SMG1: variants seen among roughly 807,000 people sequenced by gnomAD.
SMG1 encodes the protein SMG1 nonsense mediated mRNA decay associated PI3K related kinase, also known as serine/threonine-protein kinase SMG1.
Under a neutral mutation model 419.9 loss-of-function variants are expected in SMG1, and 22 were observed. The ratio of observed to expected loss-of-function variants is 0.05; its 90% CI spans 0.04 to 0.07. SMG1 has a LOEUF of 0.07. SMG1 is among the 10% of genes least tolerant of loss of function. SMG1 has a pLI of 1.00. For missense variants in SMG1, 3,185 were observed against 4,342.0 expected (o/e 0.73, Z 7.49); for synonymous variants, 1,538 against 1,553.5 (o/e 0.99, Z 0.23).
rs776606654 is a variant in SMG1 at position 18,854,915 on chromosome 16, G to A, written c.4235-11C>T. 4 of 1,607,758 alleles carry A rather than the reference G, an allele frequency of 2.5e-6. No individual in the cohort carries two copies. The highest frequency in any genetic ancestry group is 2.2e-5 in the East Asian group (1 of 44,814). ...TTGGGACTGTTTGTTCTGAAGAGAG[G>A]AAAACGTTTTATTAGTTCCTAATTT... is the stretch of plus-strand genomic sequence containing the variant. On this transcript the variant is annotated splice_polypyrimidine_tract_variant and intron_variant, in intron 29 of 62. Transcript: ENST00000446231.
At position 18,816,535 on chromosome 16, in the gene SMG1, T is replaced by G. The variant is rs771212335; in HGVS notation, c.10075-6A>C. The stretch of plus-strand genomic sequence containing the variant: ...GGATGTTCAAGACCAGTGTCCTAAA[T>G]AGAACAAGCATTTGTTTGACTTCGA... On this transcript the variant is annotated splice_polypyrimidine_tract_variant and splice_region_variant and intron_variant, in intron 57 of 62. Coordinates refer to ENST00000446231, the MANE Select transcript of SMG1 (RefSeq NM_015092.5). The G allele has an allele frequency of 6.2e-7, 1 of 1,611,802 alleles. No individual in the cohort carries two copies. The highest frequency in any genetic ancestry group is 2.2e-5 in the East Asian group (1 of 44,870).
intron 51 of SMG1, among the ~76,000 whole-genome samples, chr16:18,831,850 A>G (rs2033207769): frequency 6.6e-6 from 1 of 150,992 alleles, no homozygotes; most frequent in South Asian, 2.1e-4. Context: ...TATGAATATA[A>G]CCACTCCAAA....
intron 48 of SMG1, among the ~76,000 whole-genome samples, chr16:18,835,485 A>G (rs1567338889): frequency 2.0e-5 from 3 of 152,244 alleles, no homozygotes; most frequent in Middle Eastern, 3.4e-3. Context: ...ACAAAAAAAT[A>G]TAAAAATTGT....
At position 18,918,106 on chromosome 16, in the gene SMG1, A is replaced by G. The variant is rs561793619; in HGVS notation, c.92+7844T>C. The stretch of plus-strand genomic sequence containing the variant: ...TGAAACCCCGTCTCTAGTAAATACA[A>G]AAGATTAGCCGGGTGTGGTGGTGCG... On this transcript the variant is annotated intron_variant, in intron 1 of 62. Coordinates refer to ENST00000446231, the MANE Select transcript of SMG1 (RefSeq NM_015092.5). Among the ~76,000 whole-genome samples the G allele has an allele frequency of 5.9e-5, 9 of 151,818 alleles. No individual in the cohort carries two copies. The South Asian group carries it at 1.9e-3, about 32-fold the overall frequency.
chr16:18,915,185 G>A (rs2037924694), intron 1 of SMG1, among the ~76,000 whole-genome samples: 2 of 152,060 alleles, frequency 1.3e-5, no homozygotes, highest in Admixed American at 6.6e-5. Context: ...ATGTTGGCCA[G>A]GATGGTCTTG....
intron 56 of SMG1, among the ~76,000 whole-genome samples, chr16:18,818,399 A>C (rs1381527059): frequency 6.6e-6 from 1 of 151,740 alleles, no homozygotes; most frequent in Admixed American, 6.6e-5. Flanking sequence ...AAAAACAAAA[A>C]AAATTTTTTT....
intron 13 of SMG1, among the ~76,000 whole-genome samples, chr16:18,874,406 T>C (rs1237150019): frequency 1.3e-5 from 2 of 151,876 alleles, no homozygotes; most frequent in African/African-American, 4.8e-5. Flanking sequence ...CCCAGAGTGC[T>C]GGGTTTACAG....
rs146911328 is a variant in SMG1, at chr16:18,812,647, TAC to T, written c.10622-522_10622-521del. Among the ~76,000 whole-genome samples the T allele has an allele frequency of 2.0e-3, 253 of 127,710 alleles. 1 individual carries two copies. Among genetic ancestry groups the T allele is most frequent in the African/African-American group, 3.0e-3 (117 of 38,850 alleles). The allele number at this position is 127,710 out of a possible 152,430, so 83.8% of individuals were successfully genotyped here. ...ATATATACACATATATATACACATA[TAC>T]ACACACACACACATATATATATACA... On this transcript the variant is annotated intron_variant, in intron 60 of 62. Transcript: ENST00000446231.
rs1192123900 is a variant in SMG1, at chr16:18,817,459, G to A, written c.9906C>T (p.Leu3302=). The A allele has an allele frequency of 6.4e-7, 1 of 1,573,918 alleles. No homozygotes were observed. Among genetic ancestry groups the A allele is most frequent in the Non-Finnish European group, 8.6e-7 (1 of 1,158,290 alleles). The part of the protein sequence containing the change: ...ESQRASQVTF[L]CSNIIHFESL... The stretch of plus-strand genomic sequence containing the variant: ...TTTCAAAATGAATGATATTGCTGCA[G>A]AGAAATGTGACCTGTAAAGACAGAA... The change falls in exon 57 of 63, where the codon CTC becomes CTT. Residue 3302 remains leucine (L), a synonymous_variant. Transcript: ENST00000446231.
At chr16:18,852,504 A>C in intron 31 of SMG1, 42 bp from the exon 32 acceptor site, 1 of 1,418,574 alleles carries the variant, frequency 7.0e-7, no homozygotes, top group South Asian at 1.6e-5. Context: ...AAAAGAACTC[A>C]ACAATGTTAC....
rs2067815 is a variant in SMG1 at position 18,828,218 on chromosome 16, A to G, written c.9604-50T>C. 1,408 of 1,582,558 alleles carry G rather than the reference A, an allele frequency of 8.9e-4. 36 individuals are homozygous for G. The South Asian group carries it at 0.015, about 17-fold the overall frequency. ...TAAAATCAGCAGGAAAAAAGCGTTT[A>G]GATAAATAAGGGAAGGGAGGCGCAA... On this transcript the variant is annotated intron_variant, in intron 54 of 62. Transcript: ENST00000446231.
chr16:18,898,816 C>T (rs11866905), intron 1 of SMG1, among the ~76,000 whole-genome samples: 27,975 of 152,028 alleles, frequency 0.18, 2,663 homozygotes, highest in Middle Eastern at 0.26. Flanking sequence ...ATTTGTATCA[C>T]TTTCTGGTGA....
rs2033947299 is a variant in SMG1, at chr16:18,841,893, C to G, written c.6467-99G>C. On this transcript the variant is annotated intron_variant, in intron 40 of 62. Transcript: ENST00000446231. Reference sequence around the variant, plus strand: ...ACTAGCAGTGGCAGTCAAAAACTGACAGTCCATGAGGCACACTGAGAGCAT... The same window carrying G: ...ACTAGCAGTGGCAGTCAAAAACTGAGAGTCCATGAGGCACACTGAGAGCAT... 13 of 1,013,896 alleles carry G rather than the reference C, an allele frequency of 1.3e-5. No individual in the cohort carries two copies. The Middle Eastern group carries it at 1.1e-3, about 86-fold the overall frequency. 62.8% of individuals were successfully genotyped at this position (1,013,896 alleles called of 1,614,324 possible).
rs1567349746 is a variant in SMG1, at chr16:18,841,557, T to G, written c.6696+8A>C. ...AGACTAATACACTGTGTAGATGATT[T>G]AATCAACCTTTTGTGCTTGTAAGGC... On this transcript the variant is annotated splice_region_variant and intron_variant, in intron 41 of 62. Transcript: ENST00000446231. The G allele has an allele frequency of 6.2e-7, 1 of 1,611,786 alleles. No homozygotes were observed. The highest frequency in any genetic ancestry group is 8.5e-7 in the Non-Finnish European group (1 of 1,178,158).
rs768974743 is a variant in SMG1, at chr16:18,839,883, A to G, written c.6760T>C (p.Tyr2254His). ...GIVPRPSELY[Y>H]SKIGPALKTV... ...TTCAAAGCAGGGCCAATTTTACTGT[A>G]ATAAAGTTCACTAGGACGGGGTACA... Residue 2254 changes from tyrosine (Y) to histidine (H), a missense_variant, in exon 42 of 63, where the codon TAC (tyrosine) becomes CAC (histidine). Coordinates refer to ENST00000446231, the MANE Select transcript of SMG1 (RefSeq NM_015092.5). 5 of 1,611,826 alleles carry G rather than the reference A, an allele frequency of 3.1e-6. No individual in the cohort carries two copies. Among genetic ancestry groups the G allele is most frequent in the Non-Finnish European group, 4.2e-6 (5 of 1,178,756 alleles).
chr16:18,816,558 C>T (rs374315487), intron 57 of SMG1, 29 bp from the exon 58 acceptor site: 157 of 1,571,270 alleles, frequency 1.0e-4, no homozygotes, highest in Non-Finnish European at 1.2e-4. Flanking sequence ...TGTTTGACTT[C>T]GAGTATCAGC....
chr16:18,852,004 C>T (rs2141394785), intron 33 of SMG1, 63 bp downstream of exon 33: 1 of 1,508,244 alleles, frequency 6.6e-7, no homozygotes, highest in South Asian at 1.3e-5. Context: ...TATATATGAT[C>T]AATTTTCTCA....
intron 1 of SMG1, among the ~76,000 whole-genome samples, chr16:18,916,084 A>C (rs2037963002): frequency 8.7e-6 from 1 of 114,712 alleles, no homozygotes; most frequent in Admixed American, 9.2e-5. Flanking sequence ...AAAAAAAAAA[A>C]AAAAACCAGA....
At position 18,884,115 on chromosome 16, in the gene SMG1, A is replaced by C; in HGVS notation, c.1074T>G (p.Thr358=). 1.2e-6 allele frequency: 2 copies of C among 1,607,198 alleles called. No homozygotes were observed. Among genetic ancestry groups the C allele is most frequent in the South Asian group, 1.1e-5 (1 of 90,314 alleles). ...PFWVADLAFS[T]TLLGQFLEDM... is the part of the protein sequence containing the mutation. ...CTTCCAGAAACTGACCAAGAAGAGT[A>C]GTAGAAAATGCAAGATCAGCTACCC... The change falls in exon 9 of 63, where the codon ACT becomes ACG. Residue 358 remains threonine, a synonymous_variant. Coordinates refer to ENST00000446231, the MANE Select transcript of SMG1 (RefSeq NM_015092.5).
Sources: gnomAD v4.1 joint callset for allele counts (sites outside exome capture counted in the v4.1 genomes callset) on GRCh38, gnomAD v4.1.1 for gene constraint, MANE v1.5 for transcripts, NCBI Gene and HGNC (gene_info 2026-07-23, HGNC 2026-07-21) for gene names.